The following TXNDC16 variants were observed in gnomAD, a reference collection of about 807,000 sequenced individuals.
The protein encoded by TXNDC16 is thioredoxin domain-containing protein 16.
TXNDC16 carries 74 observed loss-of-function variants against 85.6 expected under a neutral mutation model. That is an observed-to-expected ratio of 0.86 (90% CI 0.72 to 1.05). The LOEUF is 1.05. TXNDC16 is among the 50% of genes least tolerant of loss of function. The pLI, the probability that TXNDC16 is intolerant of heterozygous loss-of-function variation, is 0.00. For missense variants in TXNDC16, 959 were observed against 947.0 expected (o/e 1.01, Z -0.17); for synonymous variants, 335 against 326.5 (o/e 1.03, Z -0.28).
chr14:52,500,941 C>A (rs34327575), intron 9 of TXNDC16, among the ~76,000 whole-genome samples: 14,680 of 152,138 alleles, frequency 0.096, 814 homozygotes, highest in East Asian at 0.18. Flanking sequence ...AGCTTTCCTT[C>A]TATCTACAAA....
In TXNDC16 at chr14:52,490,857, C is replaced by A; in HGVS notation, c.905G>T (p.Gly302Val). 1 of 1,611,608 alleles carries A rather than the reference C, an allele frequency of 6.2e-7. No individual in the cohort carries two copies. Among genetic ancestry groups the A allele is most frequent in the South Asian group, 1.1e-5 (1 of 90,226 alleles). The change falls in exon 10 of 21, where the codon GGA becomes GTA. Residue 302 changes from glycine to valine, a missense_variant. By Grantham distance (109) the Gly-to-Val change is moderately radical. Transcript: ENST00000281741. ...AAGATACCTTAACAAGAGTAGAACTCCTGCTTTTCCCAGAAGACGCCAAGC... is the reference window on the plus strand; with the variant it reads ...AAGATACCTTAACAAGAGTAGAACTACTGCTTTTCCCAGAAGACGCCAAGC... ...WVAWRLLGKA[G>V]VLLLLRDSLE...
At position 52,530,587 on chromosome 14, in the gene TXNDC16, T is replaced by A. The variant is rs184531018; in HGVS notation, c.392+6132A>T. Among the ~76,000 whole-genome samples, 77 of 62,344 alleles carry A rather than the reference T, an allele frequency of 1.2e-3. 1 individual carries two copies. The highest frequency in any genetic ancestry group is 1.8e-3 in the Non-Finnish European group (65 of 36,992). The allele number at this position is 62,344 out of a possible 152,430, so 40.9% of individuals were successfully genotyped here. A position where few individuals can be genotyped will look rare whatever the true frequency, so the allele number is the denominator to read the frequency against. On this transcript the variant is annotated intron_variant, in intron 6 of 20. Transcript: ENST00000281741. Reference sequence around the variant, plus strand: ...TATATAATAATATATAATTATTATATATAATATATATAATATGTAGTATAT... The same window carrying A: ...TATATAATAATATATAATTATTATAAATAATATATATAATATGTAGTATAT...
At chr14:52,538,398 C>T (rs1158786124) in intron 4 of TXNDC16, among the ~76,000 whole-genome samples, 1 of 151,912 alleles carries the variant, frequency 6.6e-6, no homozygotes, top group East Asian at 1.9e-4. Context: ...ATAATCTGAA[C>T]TCTAAGTGAA....
chr14:52,540,870 G>A (rs971659805), intron 4 of TXNDC16, among the ~76,000 whole-genome samples: 2 of 152,148 alleles, frequency 1.3e-5, no homozygotes, highest in Non-Finnish European at 2.9e-5. Flanking sequence ...ACTGAGCTAG[G>A]CACTCAACAA....
At chr14:52,477,358 C>T (rs530026100) in intron 14 of TXNDC16, among the ~76,000 whole-genome samples, 5 of 152,272 alleles carry the variant, frequency 3.3e-5, no homozygotes, top group Admixed American at 1.3e-4. Flanking sequence ...GGCCTAAATG[C>T]TCCACTTAAG....
intron 4 of TXNDC16, 32 bp downstream of exon 4, chr14:52,542,339 C>T: frequency 7.0e-7 from 1 of 1,436,800 alleles, no homozygotes. Context: ...ATGTTCGTCA[C>T]TAATATTTTA....
intron 9 of TXNDC16, among the ~76,000 whole-genome samples, chr14:52,504,404 G>C (rs1288558730): frequency 6.6e-6 from 1 of 152,136 alleles, no homozygotes; most frequent in African/African-American, 2.4e-5. Context: ...GAAGAGAGTG[G>C]GGGCCAATAT....
intron 1 of TXNDC16, among the ~76,000 whole-genome samples, chr14:52,550,230 C>T (rs79994243): frequency 0.049 from 7,415 of 152,254 alleles, 236 homozygotes; most frequent in Middle Eastern, 0.075. Context: ...AAAAGACACA[C>T]TTCATATTTT....
At chr14:52,521,764 C>A (rs1432307190) in intron 6 of TXNDC16, among the ~76,000 whole-genome samples, 2 of 152,160 alleles carry the variant, frequency 1.3e-5, no homozygotes, top group Non-Finnish European at 2.9e-5. Flanking sequence ...ACTTACTGAG[C>A]AGTATTCACT....
chr14:52,441,970 A>C (rs1451285833), intron 18 of TXNDC16, among the ~76,000 whole-genome samples: 1 of 152,334 alleles, frequency 6.6e-6, no homozygotes, highest in East Asian at 1.9e-4. Flanking sequence ...TACAAGTCAG[A>C]ATCCCAGGTT....
intron 1 of TXNDC16, 101 bp downstream of exon 1, chr14:52,552,215 G>C (rs1266234860): frequency 6.6e-6 from 1 of 152,314 alleles, no homozygotes; most frequent in Admixed American, 6.5e-5. Context: ...GTCAGACTCC[G>C]GAGCTGTGCA....
At chr14:52,528,144 A>G (rs573001394) in intron 6 of TXNDC16, among the ~76,000 whole-genome samples, 220 of 152,268 alleles carry the variant, frequency 1.4e-3, no homozygotes, top group Non-Finnish European at 2.6e-3. Context: ...TCTGAAGATA[A>G]CAAATTATCT....
chr14:52,514,836 A>AG (rs773535481), intron 8 of TXNDC16, 44 bp downstream of exon 8: 3 of 1,485,280 alleles, frequency 2.0e-6, no homozygotes, highest in Admixed American at 4.0e-5. Context: ...GTGAAGAAGA[A>AG]AAAAAAAACC....
Position 52,451,704 on chromosome 14 carries a change from C to G in TXNDC16, c.1842+3620G>C, listed in dbSNP as rs571024453. ...ACAGAAGGAATATACCTCAACATAA[C>G]AAAGCCATATATGCCATAGCCACAG... On this transcript the variant is annotated intron_variant, in intron 18 of 20. Transcript: ENST00000281741. 1.2e-3 allele frequency among the ~76,000 whole-genome samples: 190 copies of G among 152,008 alleles called. 1 individual carries two copies. Among genetic ancestry groups the G allele is most frequent in the Middle Eastern group, 3.4e-3 (1 of 292 alleles).
chr14:52,483,086 C>T (rs2036187297), intron 12 of TXNDC16, 121 bp from the exon 13 acceptor site: 2 of 802,778 alleles, frequency 2.5e-6, no homozygotes, highest in East Asian at 6.1e-5. Context: ...TTCATCCTAT[C>T]TTAATAGTTA....
intron 3 of TXNDC16, among the ~76,000 whole-genome samples, chr14:52,542,936 G>A (rs1295013634): frequency 2.0e-5 from 3 of 152,064 alleles, no homozygotes; most frequent in Non-Finnish European, 4.4e-5. Context: ...TATTAGTTAT[G>A]CTCAATAGTT....
At position 52,547,595 on chromosome 14, in the gene TXNDC16, G is replaced by A. The variant is rs146339273; in HGVS notation, c.-181-3224C>T. 2.9e-3 allele frequency among the ~76,000 whole-genome samples: 442 copies of A among 152,308 alleles called. 1 individual carries two copies. Among genetic ancestry groups the A allele is most frequent in the African/African-American group, 1.0e-2 (415 of 41,562 alleles). On this transcript the variant is annotated intron_variant, in intron 1 of 20. Transcript: ENST00000281741. ...CTAGAGCCCTAGCAACAACTGCCTA[G>A]AGAGATTTCAACCGTAGATTGCTAC...
intron 18 of TXNDC16, among the ~76,000 whole-genome samples, chr14:52,450,772 ATAG>A (rs928334951): frequency 2.0e-5 from 3 of 151,834 alleles, no homozygotes; most frequent in African/African-American, 7.2e-5. Flanking sequence ...ACACACGTTT[ATAG>A]TAGCACAATT....
intron 6 of TXNDC16, among the ~76,000 whole-genome samples, chr14:52,521,611 G>A (rs1223572406): frequency 1.3e-5 from 2 of 152,098 alleles, no homozygotes; most frequent in Non-Finnish European, 2.9e-5. Context: ...TTTCCACTCA[G>A]TGGGCACCCT....
Sources: allele counts gnomAD v4.1 joint callset (sites outside exome capture counted in the v4.1 genomes callset), GRCh38; gene constraint gnomAD v4.1.1; transcripts MANE v1.5; gene names NCBI Gene and HGNC (gene_info 2026-07-23, HGNC 2026-07-21).